WDR49: variants seen among roughly 807,000 people sequenced by gnomAD.
The protein encoded by WDR49 is WD repeat domain 49.
WDR49 carries 107 observed loss-of-function variants against 119.5 expected under a neutral mutation model. That is an observed-to-expected ratio of 0.90 (90% confidence interval 0.77 to 1.05). The LOEUF is 1.05. Ranked by LOEUF, WDR49 falls within the 50% of genes least tolerant of loss-of-function variation. The pLI is 0.00. For missense variants in WDR49, 1,240 were observed against 1,220.5 expected, an observed-to-expected ratio of 1.02 and a Z score of -0.24; for synonymous variants, 425 against 418.8, an observed-to-expected ratio of 1.01 and a Z score of -0.18.
At chr3:167,565,080 T>TA (rs1198537855) in intron 8 of WDR49, among the ~76,000 whole-genome samples, 1 of 152,148 alleles carries the variant, frequency 6.6e-6, no homozygotes, top group Non-Finnish European at 1.5e-5. Context: ...CTCTAGAAGT[T>TA]ACATTTCAGT....
chr3:167,623,551 C>A (rs1040501291), intron 3 of WDR49, among the ~76,000 whole-genome samples: 1 of 151,898 alleles, frequency 6.6e-6, no homozygotes, highest in Non-Finnish European at 1.5e-5. Context: ...ACCTCATAAA[C>A]AGCATGTACA....
intron 9 of WDR49, among the ~76,000 whole-genome samples, chr3:167,559,672 G>A (rs1046582730): frequency 6.6e-6 from 1 of 152,012 alleles, no homozygotes; most frequent in African/African-American, 2.4e-5. Context: ...ATTTTTTAAA[G>A]TTTAGTTAAG....
At chr3:167,608,532 C>T (rs1471195744) in intron 5 of WDR49, among the ~76,000 whole-genome samples, 1 of 152,200 alleles carries the variant, frequency 6.6e-6, no homozygotes, top group East Asian at 1.9e-4. Context: ...ACAATTCACG[C>T]TTAATGTCTA....
At chr3:167,598,809 A>G (rs1715622229) in intron 7 of WDR49, among the ~76,000 whole-genome samples, 1 of 152,232 alleles carries the variant, frequency 6.6e-6, no homozygotes, top group South Asian at 2.1e-4. Context: ...GGCACCCCAA[A>G]CCCAGTGATG....
chr3:167,628,484 G>T (rs1352593921), intron 2 of WDR49, among the ~76,000 whole-genome samples: 1 of 152,122 alleles, frequency 6.6e-6, no homozygotes, highest in Non-Finnish European at 1.5e-5. Flanking sequence ...TAGTGGTCTG[G>T]ATAGAAGATC....
intron 11 of WDR49, among the ~76,000 whole-genome samples, chr3:167,533,365 T>G (rs146746308): frequency 2.0e-5 from 3 of 152,128 alleles, no homozygotes; most frequent in Non-Finnish European, 4.4e-5. Flanking sequence ...AAAGAGTTAA[T>G]AATTTTATTT....
At chr3:167,623,282 A>T (rs1488061995) in intron 3 of WDR49, among the ~76,000 whole-genome samples, 2 of 152,102 alleles carry the variant, frequency 1.3e-5, no homozygotes, top group Non-Finnish European at 2.9e-5. Flanking sequence ...TGTAAAATGT[A>T]TACTGAACTA....
chr3:167,644,291 C>T (rs1455812734), intron 2 of WDR49, among the ~76,000 whole-genome samples: 2 of 151,946 alleles, frequency 1.3e-5, no homozygotes, highest in African/African-American at 4.8e-5. Flanking sequence ...TGAAGACATG[C>T]CAGCATTTTA....
At chr3:167,656,302 C>G, upstream of WDR49, among the ~76,000 whole-genome samples, 1 of 152,190 alleles carries the variant, frequency 6.6e-6, no homozygotes, top group Non-Finnish European at 1.5e-5. Context: ...GTCTTCTTAT[C>G]ACCCTAGTTA....
At chr3:167,509,883 G>C (rs1407819661) in intron 16 of WDR49, among the ~76,000 whole-genome samples, 2 of 152,110 alleles carry the variant, frequency 1.3e-5, no homozygotes, top group Non-Finnish European at 2.9e-5. Context: ...ATGAAAATGT[G>C]CCTACTGCAT....
At chr3:167,643,153 A>G (rs2108341973) in intron 2 of WDR49, among the ~76,000 whole-genome samples, 1 of 152,232 alleles carries the variant, frequency 6.6e-6, no homozygotes, top group East Asian at 1.9e-4. Context: ...AATACTCACA[A>G]TATAGTATAA....
intron 18 of WDR49, among the ~76,000 whole-genome samples, chr3:167,481,148 T>C (rs1039236841): frequency 6.6e-6 from 1 of 151,300 alleles, no homozygotes; most frequent in African/African-American, 2.4e-5. Flanking sequence ...AACACAAACT[T>C]ATATAAGCAA....
At chr3:167,509,793 A>G (rs1472077313) in intron 16 of WDR49, among the ~76,000 whole-genome samples, 1 of 152,214 alleles carries the variant, frequency 6.6e-6, no homozygotes, top group African/African-American at 2.4e-5. Context: ...AACAGTCTAC[A>G]TATTTGAAAT....
chr3:167,619,318 C>A (rs1331721791), intron 5 of WDR49, among the ~76,000 whole-genome samples: 1 of 152,054 alleles, frequency 6.6e-6, no homozygotes, highest in Non-Finnish European at 1.5e-5. Context: ...TACTCTGATT[C>A]TTATTTTCAT....
chr3:167,606,848 A>G (rs1476937112), intron 5 of WDR49, among the ~76,000 whole-genome samples: 2 of 152,192 alleles, frequency 1.3e-5, no homozygotes, highest in African/African-American at 2.4e-5. Flanking sequence ...ATAACCAAAG[A>G]CAGGTTAACA....
chr3:167,567,744 T>C (rs1315604234), intron 8 of WDR49, among the ~76,000 whole-genome samples: 7 of 152,242 alleles, frequency 4.6e-5, no homozygotes, highest in Non-Finnish European at 8.8e-5. Context: ...ATCACTTTGA[T>C]GCCTTTAGTC....
chr3:167,593,902 A>G (rs1715270338), intron 7 of WDR49, among the ~76,000 whole-genome samples: 1 of 152,126 alleles, frequency 6.6e-6, no homozygotes, highest in Non-Finnish European at 1.5e-5. Flanking sequence ...CTGATGGTTT[A>G]AAAGTGTGCG....
At chr3:167,615,758 A>T (rs548631585) in intron 5 of WDR49, among the ~76,000 whole-genome samples, 4 of 152,320 alleles carry the variant, frequency 2.6e-5, no homozygotes, top group African/African-American at 9.6e-5. Flanking sequence ...ACTAATATTA[A>T]AATACAGCTC....
At chr3:167,626,263 A>T (rs1252369961) in intron 3 of WDR49, among the ~76,000 whole-genome samples, 10 of 152,078 alleles carry the variant, frequency 6.6e-5, no homozygotes, top group Admixed American at 6.6e-4. Flanking sequence ...TACTAGGTAC[A>T]TCAGGTTTCT....
Sources: gnomAD v4.1 joint callset for allele counts (sites outside exome capture counted in the v4.1 genomes callset) on GRCh38, gnomAD v4.1.1 for gene constraint, MANE v1.5 for transcripts, NCBI Gene and HGNC (gene_info 2026-07-23, HGNC 2026-07-21) for gene names.